The following CEP290 variants were observed in gnomAD, a reference collection of about 807,000 sequenced individuals.
The protein encoded by CEP290 is centrosomal protein of 290 kDa.
A neutral mutation model predicts 344.9 loss-of-function variants in CEP290; 317 were observed. That is an observed-to-expected ratio of 0.92 (90% CI 0.84 to 1.01). The LOEUF is 1.01. Among genes scored for constraint, CEP290 ranks in the 50% least tolerant of loss-of-function variants. CEP290 has a pLI of 0.00. For missense variants in CEP290, 2,754 were observed against 2,761.4 expected (o/e 1.00, Z 0.06); for synonymous variants, 932 against 895.8 (o/e 1.04, Z -0.72).
At chr12:88,053,454 T>G (rs1328772328) in intron 52 of CEP290, among the ~76,000 whole-genome samples, 198 bp downstream of exon 52, 2 of 151,870 alleles carry the variant, frequency 1.3e-5, no homozygotes, top group African/African-American at 4.8e-5. Context: ...CTTGCTACTC[T>G]ATAGTATAAA....
chr12:88,111,629 A>T, intron 21 of CEP290, 65 bp downstream of exon 21: 1 of 1,364,042 alleles, frequency 7.3e-7, no homozygotes, highest in Non-Finnish European at 9.8e-7. Context: ...TTAAAAAATT[A>T]AAAATTTCCT....
chr12:88,122,799 A>T (rs1263868641), intron 13 of CEP290, among the ~76,000 whole-genome samples: 3 of 152,110 alleles, frequency 2.0e-5, no homozygotes, highest in African/African-American at 4.8e-5. Context: ...ATAGAAATAC[A>T]TATATATATC....
chr12:88,099,919 T>C (rs1375431220), intron 26 of CEP290, among the ~76,000 whole-genome samples: 12 of 151,746 alleles, frequency 7.9e-5, no homozygotes, highest in Admixed American at 7.9e-4. Context: ...CTTATCTTCA[T>C]CACTCTCTCC....
chr12:88,062,546 T>C (rs527807360), intron 46 of CEP290, 146 bp downstream of exon 46: 1 of 586,504 alleles, frequency 1.7e-6, no homozygotes, highest in South Asian at 2.4e-5. Flanking sequence ...AAATGCTTAC[T>C]GTTTTATATT....
rs138095601 is a variant in CEP290, at chr12:88,086,171, A to T, written c.4305T>A (p.Phe1435Leu). The stretch of plus-strand genomic sequence containing the variant: ...CAGGGATTGATCCTGTAGCTTCTTC[A>T]AACTATTAAGAAATAGTATGTTTTT... ...QNEILNAAQKFEEATGSIPDP... is the reference protein window; with the variant it reads ...QNEILNAAQKLEEATGSIPDP... Residue 1435 changes from phenylalanine to leucine, a missense_variant and splice_region_variant, in exon 34 of 54, where the codon TTT becomes TTA. Physicochemically the swap from Phe to Leu is conservative, Grantham distance 22 (BLOSUM62 0). Transcript: ENST00000552810. 6.2e-7 allele frequency: 1 copy of T among 1,608,788 alleles called. No homozygotes were observed. Among genetic ancestry groups the T allele is most frequent in the African/African-American group, 1.3e-5 (1 of 74,764 alleles).
chr12:88,120,756 C>T (rs751347448), intron 14 of CEP290, among the ~76,000 whole-genome samples: 57 of 152,130 alleles, frequency 3.7e-4, no homozygotes, highest in Non-Finnish European at 4.3e-4. Context: ...AAAAGTAATC[C>T]TGCTGCTTCA....
At chr12:88,115,561 T>C (rs1174287148) in intron 18 of CEP290, 2 of 1,290,020 alleles carry the variant, frequency 1.6e-6, no homozygotes, top group Non-Finnish European at 1.0e-6. Flanking sequence ...TCCTGTGCTA[T>C]GATTTCATTC....
At chr12:88,119,020 C>T (rs1167466196) in intron 15 of CEP290, among the ~76,000 whole-genome samples, 6 of 152,114 alleles carry the variant, frequency 3.9e-5, no homozygotes, top group Admixed American at 3.9e-4. Flanking sequence ...ATGACAGCTA[C>T]CTAGACGGGC....
chr12:88,087,633 T>C (rs1276911208), intron 32 of CEP290, 147 bp downstream of exon 32: 1 of 285,906 alleles, frequency 3.5e-6, no homozygotes, highest in Non-Finnish European at 6.2e-6. Context: ...GGCAGGAGAA[T>C]GGCATGAACC....
In CEP290 at chr12:88,129,028, T is replaced by C; in HGVS notation, c.860A>G (p.Glu287Gly). ...TTTTGATTTCAGAAGATCTGTAAGC[T>C]CCTGCACCTAAAAGACAAAGTTATT... ...ENDHYQLQVQ[E>G]LTDLLKSKNE... Residue 287 changes from glutamate to glycine, a missense_variant, in exon 11 of 54, where the codon GAG (glutamate) becomes GGG (glycine). Coordinates refer to ENST00000552810, the MANE Select transcript of CEP290 (RefSeq NM_025114.4). 6.9e-7 allele frequency: 1 copy of C among 1,455,012 alleles called. No homozygotes were observed. Among genetic ancestry groups the C allele is most frequent in the Non-Finnish European group, 9.0e-7 (1 of 1,113,644 alleles). The allele number at this position is 1,455,012 out of a possible 1,614,324, so 90.1% of individuals were successfully genotyped here. A position where few individuals can be genotyped will look rare whatever the true frequency, so the allele number is the denominator to read the frequency against.
chr12:88,076,966 T>A (rs917839002), intron 41 of CEP290, among the ~76,000 whole-genome samples: 3 of 152,054 alleles, frequency 2.0e-5, no homozygotes, highest in Admixed American at 2.0e-4. Context: ...GTCAGAAAGA[T>A]GAATGAAATT....
intron 6 of CEP290, among the ~76,000 whole-genome samples, chr12:88,134,171 A>G (rs1356407745): frequency 6.6e-6 from 1 of 152,172 alleles, no homozygotes; most frequent in Non-Finnish European, 1.5e-5. Context: ...AATAATCTCA[A>G]GCTTTCCAAA....
At chr12:88,097,665 A>C (rs1302019771) in intron 26 of CEP290, among the ~76,000 whole-genome samples, 1 of 151,778 alleles carries the variant, frequency 6.6e-6, no homozygotes, top group Non-Finnish European at 1.5e-5. Flanking sequence ...ATATTATTTT[A>C]AAATAATCAT....
At chr12:88,114,773 TATAAG>T (rs1350555626) in intron 19 of CEP290, among the ~76,000 whole-genome samples, 1 of 152,170 alleles carries the variant, frequency 6.6e-6, no homozygotes, top group Non-Finnish European at 1.5e-5. Flanking sequence ...TACACACGTA[TATAAG>T]GCATACTTCT....
At chr12:88,066,122 G>C (rs2034907898) in intron 44 of CEP290, among the ~76,000 whole-genome samples, 1 of 152,106 alleles carries the variant, frequency 6.6e-6, no homozygotes, top group Admixed American at 6.5e-5. Context: ...TTTAATTTTA[G>C]TTGATGTTTC....
In CEP290 at chr12:88,077,336, G is replaced by A; in HGVS notation, c.5595C>T (p.Pro1865=). 1.3e-6 allele frequency: 2 copies of A among 1,520,332 alleles called. No homozygotes were observed. The highest frequency in any genetic ancestry group is 1.3e-5 in the South Asian group (1 of 77,832). The allele number at this position is 1,520,332 out of a possible 1,614,324, so 94.2% of individuals were successfully genotyped here. ...KRLTSGLQGK[P]LTDNKQSLIE... is the part of the protein sequence containing the mutation. ...TTAGACTTTGTTTATTATCTGTCAGGGGTTTGCCCTAAAAAATAAAATGTA... is the reference window on the plus strand; with the variant it reads ...TTAGACTTTGTTTATTATCTGTCAGAGGTTTGCCCTAAAAAATAAAATGTA... Residue 1865 remains proline, a synonymous_variant, in exon 41 of 54, where the codon CCC becomes CCT. Transcript: ENST00000552810.
Position 88,060,388 on chromosome 12 carries a change from T to A in CEP290, c.6523-368A>T, listed in dbSNP as rs143734908. Among the ~76,000 whole-genome samples, 670 of 152,276 alleles carry A rather than the reference T, an allele frequency of 4.4e-3. 12 individuals are homozygous for A. Among genetic ancestry groups the A allele is most frequent in the African/African-American group, 0.015 (631 of 41,558 alleles). On this transcript the variant is annotated intron_variant, in intron 47 of 53. Transcript: ENST00000552810. ...TCCTGGTTAACATGGTGAAACCCCATCTCTACTAAAAATACGAAAAGTTAG... is the reference window on the plus strand; with the variant it reads ...TCCTGGTTAACATGGTGAAACCCCAACTCTACTAAAAATACGAAAAGTTAG...
chr12:88,052,196 G>A (rs1050598689), intron 52 of CEP290, among the ~76,000 whole-genome samples: 1 of 152,180 alleles, frequency 6.6e-6, no homozygotes, highest in Admixed American at 6.5e-5. Flanking sequence ...ACAAGAGATA[G>A]TCAAAGATAG....
chr12:88,130,398 A>G lies in CEP290; in HGVS notation c.539T>C (p.Ile180Thr). 1.9e-6 allele frequency: 3 copies of G among 1,607,828 alleles called. No homozygotes were observed. The highest frequency in any genetic ancestry group is 2.5e-6 in the Non-Finnish European group (3 of 1,178,088). ...ATCTATTTGTTTCTGGTAGTCAATA[A>G]TATCCTGACAAAGTTGTTCATTCTG... ...KKKNEQLCQD[I>T]IDYQKQIDSQ... The change falls in exon 9 of 54, where the codon ATT becomes ACT. Residue 180 changes from isoleucine to threonine, a missense_variant. By Grantham distance (89) the Ile-to-Thr change is moderately conservative. Coordinates refer to ENST00000552810, the MANE Select transcript of CEP290 (RefSeq NM_025114.4).
Sources: allele counts gnomAD v4.1 joint callset (sites outside exome capture counted in the v4.1 genomes callset), GRCh38; gene constraint gnomAD v4.1.1; transcripts MANE v1.5; gene names NCBI Gene and HGNC (gene_info 2026-07-23, HGNC 2026-07-21).